The following FSTL5 variants were observed in gnomAD, a reference collection of about 807,000 sequenced individuals.
FSTL5 encodes the protein follistatin like 5.
A neutral mutation model predicts 89.1 loss-of-function variants in FSTL5; 62 were observed. The observed-to-expected ratio is 0.70, with a 90% confidence interval of 0.57 to 0.86. FSTL5 has a LOEUF of 0.86. Among genes scored for constraint, FSTL5 ranks in the 40% least tolerant of loss-of-function variants. The probability of loss-of-function intolerance (pLI) is 0.00; values close to 1 mark genes in which losing one functional copy is unlikely to be tolerated. For missense variants in FSTL5, 1,057 were observed against 1,001.6 expected (o/e 1.06, Z -0.75); for synonymous variants, 383 against 346.2 (o/e 1.11, Z -1.18).
intron 8 of FSTL5, among the ~76,000 whole-genome samples, chr4:161,586,662 C>A (rs1733628147): frequency 6.6e-6 from 1 of 152,138 alleles, no homozygotes; most frequent in Admixed American, 6.5e-5. Flanking sequence ...ATACTAAACA[C>A]TTTGACAGCT....
intron 2 of FSTL5, among the ~76,000 whole-genome samples, chr4:162,052,261 A>C (rs1372543245): frequency 6.6e-6 from 1 of 151,534 alleles, no homozygotes; most frequent in African/African-American, 2.4e-5. Flanking sequence ...TAATGAGTAA[A>C]ATTTGAAACA....
At chr4:161,645,218 T>C (rs1368681042) in intron 7 of FSTL5, among the ~76,000 whole-genome samples, 1 of 151,994 alleles carries the variant, frequency 6.6e-6, no homozygotes, top group East Asian at 1.9e-4. Flanking sequence ...AAAATAAATA[T>C]GAATAGATAT....
chr4:161,665,438 T>G (rs1251863809), intron 6 of FSTL5, among the ~76,000 whole-genome samples: 1 of 152,106 alleles, frequency 6.6e-6, no homozygotes. Flanking sequence ...TTTCACCGTG[T>G]TAGCCAGGAT....
chr4:161,777,317 C>T (rs1398855634), intron 4 of FSTL5, among the ~76,000 whole-genome samples: 1 of 149,512 alleles, frequency 6.7e-6, no homozygotes, highest in African/African-American at 2.5e-5. Context: ...AGGTTGATTC[C>T]ATATCTTGAC....
intron 1 of FSTL5, among the ~76,000 whole-genome samples, chr4:162,144,115 G>T (rs1466948100): frequency 6.6e-6 from 1 of 152,106 alleles, no homozygotes; most frequent in African/African-American, 2.4e-5. Flanking sequence ...ACAGGGACGA[G>T]GCTTCATTGG....
chr4:161,698,702 G>T (rs1004139504), intron 6 of FSTL5, among the ~76,000 whole-genome samples: 14 of 152,194 alleles, frequency 9.2e-5, no homozygotes, highest in African/African-American at 3.4e-4. Context: ...GCCGAGGCGG[G>T]TGATCACCTA....
chr4:161,977,464 T>C lies in FSTL5; in HGVS notation c.160+56161A>G, dbSNP rs1225375341. On this transcript the variant is annotated intron_variant, in intron 3 of 15. Transcript: ENST00000306100. ...CGTCTCTACTAAAAAATAGAAAAAATTAGCCGGGCCTGGTGGCGGGCACCT... is the reference window on the plus strand; with the variant it reads ...CGTCTCTACTAAAAAATAGAAAAAACTAGCCGGGCCTGGTGGCGGGCACCT... 2.7e-5 allele frequency among the ~76,000 whole-genome samples: 4 copies of C among 150,728 alleles called. No individual in the cohort carries two copies. In the East Asian group the frequency reaches 7.9e-4, roughly 30 times the overall value.
At chr4:161,450,965 C>T (rs1039920641) in intron 15 of FSTL5, among the ~76,000 whole-genome samples, 1 of 151,924 alleles carries the variant, frequency 6.6e-6, no homozygotes, top group African/African-American at 2.4e-5. Flanking sequence ...AGGATGGTCT[C>T]GATCTCCTGA....
In FSTL5 at chr4:161,492,348, G is replaced by C. The variant is rs1729909037; in HGVS notation, c.1458+7668C>G. ...GTCAATATTAAATGGGTCAAATTTAGATCTCATCTGTAAACTACTGTAGAG... is the reference window on the plus strand; with the variant it reads ...GTCAATATTAAATGGGTCAAATTTACATCTCATCTGTAAACTACTGTAGAG... On this transcript the variant is annotated intron_variant, in intron 12 of 15. Transcript: ENST00000306100. Among the ~76,000 whole-genome samples the C allele has an allele frequency of 2.6e-5, 4 of 152,112 alleles. No individual in the cohort carries two copies. In the South Asian group the frequency reaches 8.3e-4, roughly 31 times the overall value.
At chr4:161,411,971 A>ATAAG (rs1731608665) in intron 15 of FSTL5, among the ~76,000 whole-genome samples, 8 of 152,330 alleles carry the variant, frequency 5.3e-5, no homozygotes, top group African/African-American at 1.9e-4. Context: ...GGCTCCTAGA[A>ATAAG]TTGATAAACA....
chr4:161,966,248 A>G (rs913710458), intron 3 of FSTL5, among the ~76,000 whole-genome samples: 4 of 152,112 alleles, frequency 2.6e-5, no homozygotes, highest in Non-Finnish European at 5.9e-5. Flanking sequence ...TTGGAACTCT[A>G]CAATTGCAGA....
At chr4:161,939,202 A>T (rs1036978327) in intron 3 of FSTL5, among the ~76,000 whole-genome samples, 1 of 151,988 alleles carries the variant, frequency 6.6e-6, no homozygotes, top group African/African-American at 2.4e-5. Flanking sequence ...AACATTCAAT[A>T]ATAAGGAAGA....
intron 6 of FSTL5, among the ~76,000 whole-genome samples, chr4:161,744,944 A>G (rs550951855): frequency 6.6e-6 from 1 of 152,188 alleles, no homozygotes; most frequent in African/African-American, 2.4e-5. Context: ...AAATTATAAA[A>G]TTAGTTTTAG....
intron 1 of FSTL5, among the ~76,000 whole-genome samples, chr4:162,133,319 T>C (rs1732392747): frequency 6.6e-6 from 1 of 152,202 alleles, no homozygotes; most frequent in Admixed American, 6.5e-5. Flanking sequence ...CGAGTGAGGC[T>C]GAAGTCGGTG....
chr4:161,874,597 T>A (rs1732379923), intron 4 of FSTL5, among the ~76,000 whole-genome samples: 1 of 148,474 alleles, frequency 6.7e-6, no homozygotes, highest in Non-Finnish European at 1.5e-5. Context: ...CTTACTCTAT[T>A]TTTCTTCTCT....
intron 4 of FSTL5, among the ~76,000 whole-genome samples, chr4:161,803,770 CT>C (rs1243695845): frequency 6.6e-6 from 1 of 151,958 alleles, no homozygotes; most frequent in African/African-American, 2.4e-5. Context: ...CAAATTATTG[CT>C]AACTTGATCT....
At chr4:161,521,848 C>CAAAAAAAAAAA (rs11405532) in intron 10 of FSTL5, among the ~76,000 whole-genome samples, 43 of 58,070 alleles carry the variant, frequency 7.4e-4, no homozygotes, top group African/African-American at 3.4e-3. Context: ...GACTCCACCT[C>CAAAAAAAAAAA]AAAAAAAAAA....
At chr4:161,569,004 A>G (rs1732913027) in intron 8 of FSTL5, among the ~76,000 whole-genome samples, 2 of 152,114 alleles carry the variant, frequency 1.3e-5, no homozygotes, top group Non-Finnish European at 2.9e-5. Flanking sequence ...TTATTTATGT[A>G]TTTTCTTATC....
At chr4:162,033,533 T>A (rs369336332) in intron 3 of FSTL5, 92 bp downstream of exon 3, 15 of 667,374 alleles carry the variant, frequency 2.2e-5, no homozygotes, top group African/African-American at 1.9e-4. Flanking sequence ...TATTTTCTCA[T>A]TTTTGACTTT....
Sources: gnomAD v4.1 joint callset for allele counts (sites outside exome capture counted in the v4.1 genomes callset) on GRCh38, gnomAD v4.1.1 for gene constraint, MANE v1.5 for transcripts, NCBI Gene and HGNC (gene_info 2026-07-23, HGNC 2026-07-21) for gene names.